The following FOXN3 variants were observed in gnomAD, a reference collection of about 807,000 sequenced individuals.
The protein encoded by FOXN3 is forkhead box N3, also known as forkhead box protein N3.
FOXN3 carries 7 observed loss-of-function variants against 38.4 expected under a neutral mutation model. The observed-to-expected ratio is 0.18, with a 90% CI of 0.10 to 0.34. The LOEUF (loss-of-function observed/expected upper bound fraction) is 0.34. Ranked by LOEUF, FOXN3 falls within the 10% of genes least tolerant of loss-of-function variation. FOXN3 has a pLI of 1.00. For synonymous variants in FOXN3, 230 were observed against 242.2 expected, an observed-to-expected ratio of 0.95 and a Z score of 0.47; for missense variants, 456 against 613.4, an observed-to-expected ratio of 0.74 and a Z score of 2.71.
At chr14:89,291,579 C>T (rs986063483) in intron 3 of FOXN3, 3 of 549,346 alleles carry the variant, frequency 5.5e-6, no homozygotes, top group Non-Finnish European at 1.1e-5. Flanking sequence ...TCCAGCAGTC[C>T]CTACATGTCT....
Position 89,281,028 on chromosome 14 carries a change from G to C in FOXN3, c.681-14C>G. ...GGACCTGATGTGCTGAAAGAGAAAA[G>C]AAACTAGCATAAGGCCAAGTTCATC... On this transcript the variant is annotated splice_polypyrimidine_tract_variant and intron_variant, in intron 3 of 5. Transcript: ENST00000557258. The C allele has an allele frequency of 1.2e-6, 2 of 1,611,980 alleles. No homozygotes were observed. Among genetic ancestry groups the C allele is most frequent in the African/African-American group, 2.7e-5 (2 of 75,010 alleles).
At chr14:89,564,802 C>T (rs1895318455) in intron 1 of FOXN3, among the ~76,000 whole-genome samples, 1 of 151,936 alleles carries the variant, frequency 6.6e-6, no homozygotes, top group Non-Finnish European at 1.5e-5. Flanking sequence ...ACAATGTCCT[C>T]ATAAAAAAAG....
At chr14:89,210,272 T>C (rs915862182) in intron 4 of FOXN3, among the ~76,000 whole-genome samples, 2 of 152,168 alleles carry the variant, frequency 1.3e-5, no homozygotes, top group Non-Finnish European at 2.9e-5. Flanking sequence ...TCTGGTTGTT[T>C]AAATGTGTGT....
At chr14:89,211,323 T>A (rs1428212502) in intron 4 of FOXN3, among the ~76,000 whole-genome samples, 1 of 152,230 alleles carries the variant, frequency 6.6e-6, no homozygotes, top group Non-Finnish European at 1.5e-5. Flanking sequence ...ATAGGAAAGA[T>A]CCTAATCAGA....
chr14:89,306,365 C>CTT (rs1333479106), intron 3 of FOXN3, among the ~76,000 whole-genome samples: 1 of 145,496 alleles, frequency 6.9e-6, no homozygotes, highest in South Asian at 2.2e-4. Flanking sequence ...CTTTGGTTCT[C>CTT]TTTTTTTTTT....
At chr14:89,429,903 G>A (rs551455907) in intron 1 of FOXN3, among the ~76,000 whole-genome samples, 1 of 152,314 alleles carries the variant, frequency 6.6e-6, no homozygotes, top group South Asian at 2.1e-4. Context: ...AGTGGAACAA[G>A]TTATGCCTGT....
intron 1 of FOXN3, among the ~76,000 whole-genome samples, chr14:89,568,498 C>T (rs560471730): frequency 6.6e-6 from 1 of 152,318 alleles, no homozygotes; most frequent in Non-Finnish European, 1.5e-5. Flanking sequence ...AGGCTCTGCC[C>T]TCAGCACGGA....
intron 1 of FOXN3, among the ~76,000 whole-genome samples, chr14:89,468,550 T>C (rs1248439504): frequency 6.6e-6 from 1 of 152,164 alleles, no homozygotes; most frequent in Non-Finnish European, 1.5e-5. Context: ...TTGAGCAGAT[T>C]ATATAACTTG....
chr14:89,604,495 C>T (rs1896229492), intron 1 of FOXN3, among the ~76,000 whole-genome samples: 1 of 152,100 alleles, frequency 6.6e-6, no homozygotes, highest in Non-Finnish European at 1.5e-5. Flanking sequence ...ATCTAGACTG[C>T]AGCACATAGA....
intron 1 of FOXN3, among the ~76,000 whole-genome samples, chr14:89,415,604 C>CATA (rs1891673427): frequency 1.8e-5 from 1 of 54,272 alleles, no homozygotes; most frequent in East Asian, 3.8e-4. Flanking sequence ...CAACAATAAC[C>CATA]AAAAAAAAAA....
At chr14:89,220,907 G>A (rs1253941575) in intron 4 of FOXN3, among the ~76,000 whole-genome samples, 2 of 152,100 alleles carry the variant, frequency 1.3e-5, no homozygotes, top group Non-Finnish European at 2.9e-5. Context: ...CCAAGGGGAG[G>A]CAACCCTGAC....
At chr14:89,564,277 T>C (rs952347764) in intron 1 of FOXN3, among the ~76,000 whole-genome samples, 3 of 152,150 alleles carry the variant, frequency 2.0e-5, no homozygotes, top group Non-Finnish European at 2.9e-5. Flanking sequence ...ATAGAATATA[T>C]ACAAAAATAA....
At chr14:89,290,749 G>A (rs1000296605) in intron 3 of FOXN3, 10 of 319,810 alleles carry the variant, frequency 3.1e-5, no homozygotes, top group African/African-American at 4.5e-5. Flanking sequence ...TGCAGGCTGG[G>A]ATTCTTATAT....
At chr14:89,341,610 T>C (rs896264436) in intron 3 of FOXN3, among the ~76,000 whole-genome samples, 5 of 152,228 alleles carry the variant, frequency 3.3e-5, no homozygotes, top group African/African-American at 1.2e-4. Flanking sequence ...GACAAAATGC[T>C]GAGATCAAAA....
At position 89,161,600 on chromosome 14, in the gene FOXN3, T is replaced by TGC. The variant is rs1555407828; in HGVS notation, c.*812_*813dup. The TGC allele has an allele frequency of 8.5e-4, 125 of 147,532 alleles. No homozygotes were observed. The highest frequency in any genetic ancestry group is 3.5e-3 in the Middle Eastern group (1 of 286). 9.1% of individuals were successfully genotyped at this position (147,532 alleles called of 1,614,324 possible). A position where few individuals can be genotyped will look rare whatever the true frequency, so the allele number is the denominator to read the frequency against. On this transcript the variant is annotated 3_prime_UTR_variant, in exon 6 of 6. Transcript: ENST00000557258. ...GTGTGTGTGTGTGTGTGTGTGTGCG[T>TGC]GCGTGCACAGGGCCAATCTTCAGGC...
chr14:89,497,470 G>A (rs892870624), intron 1 of FOXN3, among the ~76,000 whole-genome samples: 15 of 145,474 alleles, frequency 1.0e-4, no homozygotes, highest in African/African-American at 2.6e-4. Flanking sequence ...GCAATGGCGC[G>A]ATCTCGGCTC....
At chr14:89,453,423 G>A (rs1041543063) in intron 1 of FOXN3, among the ~76,000 whole-genome samples, 25 of 151,438 alleles carry the variant, frequency 1.7e-4, no homozygotes, top group Admixed American at 8.6e-4. Flanking sequence ...AACCGGGCGT[G>A]GTGGCGGGCG....
At chr14:89,394,443 G>A (rs1471685898) in intron 2 of FOXN3, among the ~76,000 whole-genome samples, 1 of 152,046 alleles carries the variant, frequency 6.6e-6, no homozygotes, top group Non-Finnish European at 1.5e-5. Flanking sequence ...CTGACCTCAG[G>A]TGATCAGCCC....
intron 4 of FOXN3, among the ~76,000 whole-genome samples, chr14:89,235,411 C>A (rs879865705): frequency 4.6e-5 from 7 of 152,190 alleles, no homozygotes; most frequent in African/African-American, 1.7e-4. Flanking sequence ...TCAGCACCAG[C>A]GGCTCTTGGA....
Sources: allele counts gnomAD v4.1 joint callset (sites outside exome capture counted in the v4.1 genomes callset), GRCh38; gene constraint gnomAD v4.1.1; transcripts MANE v1.5; gene names NCBI Gene and HGNC (gene_info 2026-07-23, HGNC 2026-07-21).